TBCEL: variants seen among roughly 807,000 people sequenced by gnomAD.
The protein encoded by TBCEL is tubulin folding cofactor E like.
A neutral mutation model predicts 44.2 loss-of-function variants in TBCEL; 15 were observed. The ratio of observed to expected loss-of-function variants is 0.34; its 90% confidence interval spans 0.23 to 0.52. The LOEUF is 0.52. Ranked by LOEUF, TBCEL falls within the 20% of genes least tolerant of loss-of-function variation. TBCEL has a pLI of 0.95. For missense variants in TBCEL, 319 were observed against 506.3 expected, an observed-to-expected ratio of 0.63 and a Z score of 3.55; for synonymous variants, 171 against 185.4, an observed-to-expected ratio of 0.92 and a Z score of 0.63.
rs1276307495 is a variant in TBCEL at position 121,055,037 on chromosome 11, C to G, written c.456-15C>G. The G allele has an allele frequency of 6.9e-7, 1 of 1,444,104 alleles. No individual in the cohort carries two copies. Among genetic ancestry groups the G allele is most frequent in the South Asian group, 1.8e-5 (1 of 57,038 alleles). The allele number at this position is 1,444,104 out of a possible 1,614,324, so 89.5% of individuals were successfully genotyped here. A position where few individuals can be genotyped will look rare whatever the true frequency, so the allele number is the denominator to read the frequency against. ...ACTGCTTTAAACAATGAAATATTTC[C>G]TTTTTTCTCTGCAGTTTGGAGGAGC... is the stretch of plus-strand genomic sequence containing the variant. On this transcript the variant is annotated splice_polypyrimidine_tract_variant and intron_variant, in intron 5 of 8. Coordinates refer to ENST00000683345, the MANE Select transcript of TBCEL (RefSeq NM_001363644.2).
At chr11:121,047,935 TAAA>T (rs141948107) in intron 4 of TBCEL, 18 of 115,140 alleles carry the variant, frequency 1.6e-4, no homozygotes, top group Non-Finnish European at 2.6e-4. Context: ...ATCTTTAATT[TAAA>T]AAAAAAAAAA....
At chr11:121,054,896 T>C (rs1945592947) in intron 5 of TBCEL, 156 bp from the exon 6 acceptor site, 1 of 712,140 alleles carries the variant, frequency 1.4e-6, no homozygotes, top group South Asian at 5.1e-5. Flanking sequence ...CAGCTATATT[T>C]TGAACTTCAG....
At chr11:121,041,116 C>T (rs931217759) in intron 2 of TBCEL, among the ~76,000 whole-genome samples, 1 of 152,124 alleles carries the variant, frequency 6.6e-6, no homozygotes, top group African/African-American at 2.4e-5. Flanking sequence ...GACTTGCATA[C>T]TTATTATACA....
intron 4 of TBCEL, among the ~76,000 whole-genome samples, chr11:121,052,308 CA>C (rs1483617894): frequency 5.3e-5 from 8 of 151,188 alleles, no homozygotes; most frequent in Non-Finnish European, 1.5e-5. Context: ...AAACAAGTTT[CA>C]AAAAAATGTG....
chr11:121,047,508 TTG>T lies in TBCEL; in HGVS notation c.134-16_134-15del. The T allele has an allele frequency of 6.2e-7, 1 of 1,609,876 alleles. No homozygotes were observed. Among genetic ancestry groups the T allele is most frequent in the Non-Finnish European group, 8.5e-7 (1 of 1,177,018 alleles). On this transcript the variant is annotated intron_variant, in intron 3 of 8. Transcript: ENST00000683345. ...GAATTTGGCTGATATAGAAAACATT[TTG>T]TGTCTCTCATCATTCAGATCGCCTC...
intron 4 of TBCEL, chr11:121,047,890 A>C (rs1326062170): frequency 2.5e-6 from 1 of 399,036 alleles, no homozygotes; most frequent in Non-Finnish European, 4.4e-6. Flanking sequence ...GAGCCCAGGA[A>C]TTCAAGACCA....
At chr11:121,069,106 T>C (rs1420072487) in intron 8 of TBCEL, among the ~76,000 whole-genome samples, 1 of 152,092 alleles carries the variant, frequency 6.6e-6, no homozygotes, top group African/African-American at 2.4e-5. Context: ...TCTCTTAACC[T>C]CCTTTTGTTA....
chr11:121,069,292 A>T (rs941007825), intron 8 of TBCEL, among the ~76,000 whole-genome samples: 5 of 152,132 alleles, frequency 3.3e-5, no homozygotes, highest in African/African-American at 9.7e-5. Context: ...AAGATGATTG[A>T]ATATTCGCTT....
intron 8 of TBCEL, among the ~76,000 whole-genome samples, chr11:121,079,559 A>G (rs1250895637): frequency 6.6e-6 from 1 of 152,154 alleles, no homozygotes; most frequent in Non-Finnish European, 1.5e-5. Flanking sequence ...TATGTAATAG[A>G]TGGTTTCTAA....
At chr11:121,024,799 G>A (rs2134862238) in intron 1 of TBCEL, among the ~76,000 whole-genome samples, 1 of 152,306 alleles carries the variant, frequency 6.6e-6, no homozygotes, top group African/African-American at 2.4e-5. Context: ...AGGCCCTTGG[G>A]ACATTAGGCC....
intron 4 of TBCEL, among the ~76,000 whole-genome samples, chr11:121,051,521 T>C (rs990605726): frequency 6.6e-6 from 1 of 151,740 alleles, no homozygotes; most frequent in Non-Finnish European, 1.5e-5. Context: ...TTCGTATCGG[T>C]ATTCAATCAT....
At chr11:121,084,366 T>C (rs1299489628) in intron 8 of TBCEL, among the ~76,000 whole-genome samples, 1 of 152,244 alleles carries the variant, frequency 6.6e-6, no homozygotes, top group Admixed American at 6.5e-5. Context: ...TGAGCGCTGG[T>C]TTTTATATTC....
intron 4 of TBCEL, among the ~76,000 whole-genome samples, chr11:121,052,413 G>A (rs903806350): frequency 3.3e-5 from 5 of 151,752 alleles, no homozygotes; most frequent in African/African-American, 2.4e-5. Context: ...AGGAAACTGA[G>A]ATTTGGAAAG....
intron 8 of TBCEL, among the ~76,000 whole-genome samples, chr11:121,075,761 T>C (rs183276577): frequency 8.2e-4 from 125 of 152,064 alleles, no homozygotes; most frequent in African/African-American, 2.5e-3. Context: ...TTCTGAGAAA[T>C]GCATCATTAG....
intron 8 of TBCEL, among the ~76,000 whole-genome samples, chr11:121,073,536 T>C (rs1388828116): frequency 1.3e-5 from 2 of 151,984 alleles, no homozygotes; most frequent in Non-Finnish European, 2.9e-5. Flanking sequence ...TCATTTTCTT[T>C]TGGATTTCTA....
At chr11:121,030,505 C>T (rs1945124273) in intron 1 of TBCEL, among the ~76,000 whole-genome samples, 1 of 152,090 alleles carries the variant, frequency 6.6e-6, no homozygotes, top group South Asian at 2.1e-4. Context: ...TTGATGATGG[C>T]TTGAACAAGA....
chr11:121,030,367 T>G (rs909648637), intron 1 of TBCEL, among the ~76,000 whole-genome samples: 4 of 152,118 alleles, frequency 2.6e-5, no homozygotes, highest in Non-Finnish European at 2.9e-5. Context: ...GGGGAGCCAT[T>G]GGAGAGTGTA....
At chr11:121,067,479 T>G (rs1945841759) in intron 8 of TBCEL, among the ~76,000 whole-genome samples, 1 of 152,242 alleles carries the variant, frequency 6.6e-6, no homozygotes, top group Admixed American at 6.5e-5. Context: ...TAGCTGCTTA[T>G]GGCAATAATG....
intron 8 of TBCEL, 23 bp downstream of exon 8, chr11:121,060,108 A>C (rs1565500135): frequency 6.4e-7 from 1 of 1,553,140 alleles, no homozygotes; most frequent in Non-Finnish European, 8.9e-7. Flanking sequence ...CCATTGGCCA[A>C]ACACTTTAGA....
Sources: allele counts gnomAD v4.1 joint callset (sites outside exome capture counted in the v4.1 genomes callset), GRCh38; gene constraint gnomAD v4.1.1; transcripts MANE v1.5; gene names NCBI Gene and HGNC (gene_info 2026-07-23, HGNC 2026-07-21).